DPP4: variants seen among roughly 807,000 people sequenced by gnomAD.
The protein encoded by DPP4 is dipeptidyl peptidase 4, also known as ADCP-2.
DPP4 carries 93 observed loss-of-function variants against 122.4 expected under a neutral mutation model. That is an observed-to-expected ratio of 0.76 (90% CI 0.64 to 0.90). The LOEUF (loss-of-function observed/expected upper bound fraction) is 0.90, where lower values mean the gene tolerates loss of function less well. Among genes scored for constraint, DPP4 ranks in the 40% least tolerant of loss-of-function variants. The pLI is 0.00. For synonymous variants in DPP4, 321 were observed against 302.9 expected, an observed-to-expected ratio of 1.06 and a Z score of -0.62; for missense variants, 914 against 907.3, an observed-to-expected ratio of 1.01 and a Z score of -0.09.
At chr2:162,007,405 T>A (rs1288088114) in intron 22 of DPP4, among the ~76,000 whole-genome samples, 1 of 152,038 alleles carries the variant, frequency 6.6e-6, no homozygotes, top group East Asian at 1.9e-4. Context: ...AAATAACATT[T>A]AAAAAATATT....
intron 5 of DPP4, 53 bp downstream of exon 5, chr2:162,045,479 A>G (rs1330392380): frequency 7.4e-7 from 1 of 1,356,434 alleles, no homozygotes; most frequent in Non-Finnish European, 1.1e-6. Flanking sequence ...CGGTTATAAC[A>G]TAGCATACTC....
chr2:162,037,914 A>G (rs559493645), intron 8 of DPP4, among the ~76,000 whole-genome samples: 55 of 152,156 alleles, frequency 3.6e-4, no homozygotes, highest in Non-Finnish European at 7.6e-4. Context: ...TTATTTTATC[A>G]TCTTCTCAAT....
chr2:162,009,372 C>T, intron 20 of DPP4, 77 bp from the exon 21 acceptor site: 1 of 1,321,698 alleles, frequency 7.6e-7, no homozygotes, highest in Non-Finnish European at 1.1e-6. Flanking sequence ...AAATGTGAAA[C>T]CCTGCCATTT....
At chr2:162,005,542 A>C (rs1701262117) in intron 23 of DPP4, 2 of 510,536 alleles carry the variant, frequency 3.9e-6, no homozygotes, top group African/African-American at 3.8e-5. Flanking sequence ...ATTGTGACCT[A>C]TATAGCATAC....
chr2:162,042,085 G>C (rs867330242), intron 5 of DPP4, among the ~76,000 whole-genome samples: 1 of 152,152 alleles, frequency 6.6e-6, no homozygotes, highest in East Asian at 1.9e-4. Flanking sequence ...AAGAGAAGCC[G>C]AATGCAAAGA....
intron 15 of DPP4, 117 bp downstream of exon 15, chr2:162,019,104 AGT>A: frequency 1.0e-6 from 1 of 973,244 alleles, no homozygotes; most frequent in Non-Finnish European, 1.6e-6. Flanking sequence ...AGGAATAAAA[AGT>A]GCTCAATAGC....
At chr2:162,020,113 A>G in intron 14 of DPP4, 116 bp downstream of exon 14, 2 of 855,474 alleles carry the variant, frequency 2.3e-6, no homozygotes, top group Non-Finnish European at 3.7e-6. Context: ...AAAAGTATTG[A>G]ACACATTCCA....
At chr2:162,049,610 G>A (rs770952480) in intron 2 of DPP4, among the ~76,000 whole-genome samples, 18 of 151,872 alleles carry the variant, frequency 1.2e-4, no homozygotes, top group Non-Finnish European at 2.6e-4. Context: ...TAACAAACCT[G>A]TACATCCTGC....
chr2:162,019,090 A>G, intron 15 of DPP4, 133 bp downstream of exon 15: 1 of 945,204 alleles, frequency 1.1e-6, no homozygotes, highest in Non-Finnish European at 1.7e-6. Flanking sequence ...AGATTGATTT[A>G]TGAAGGAATA....
Position 162,020,588 on chromosome 2 carries a change from T to A in DPP4, c.1169A>T (p.Asp390Val). ...ATATGTAAGAATACTCACTTTTTTATCTATTTGGAAATAGCAAATGTGTCT... is the reference window on the plus strand; with the variant it reads ...ATATGTAAGAATACTCACTTTTTTAACTATTTGGAAATAGCAAATGTGTCT... ...GYRHICYFQIDKKDCTFITKG... is the reference protein window; with the variant it reads ...GYRHICYFQIVKKDCTFITKG... The change falls in exon 13 of 26, where the codon GAT (aspartate) becomes GTT (valine). Residue 390 changes from aspartate (D) to valine (V), a missense_variant. By Grantham distance (152) the Asp-to-Val change is radical. Transcript: ENST00000360534. 1 of 1,599,622 alleles carries A rather than the reference T, an allele frequency of 6.3e-7. No individual in the cohort carries two copies. Among genetic ancestry groups the A allele is most frequent in the South Asian group, 1.2e-5 (1 of 86,900 alleles).
intron 19 of DPP4, among the ~76,000 whole-genome samples, chr2:162,013,594 T>C (rs1389836269): frequency 1.3e-5 from 2 of 152,108 alleles, no homozygotes; most frequent in Non-Finnish European, 2.9e-5. Flanking sequence ...TTCCGTATAA[T>C]GGAACAACAG....
intron 7 of DPP4, 69 bp from the exon 8 acceptor site, chr2:162,038,491 A>G: frequency 6.8e-7 from 1 of 1,472,472 alleles, no homozygotes; most frequent in South Asian, 1.3e-5. Context: ...AATTGTAGAA[A>G]CACTTATCTA....
At chr2:161,996,243 A>C (rs1305212562) in intron 23 of DPP4, among the ~76,000 whole-genome samples, 1 of 152,182 alleles carries the variant, frequency 6.6e-6, no homozygotes, top group Non-Finnish European at 1.5e-5. Flanking sequence ...GATGAAGGTA[A>C]AAATGCCATA....
intron 21 of DPP4, 33 bp from the exon 22 acceptor site, chr2:162,008,694 TA>T: frequency 6.4e-7 from 1 of 1,567,008 alleles, no homozygotes; most frequent in Non-Finnish European, 8.8e-7. Flanking sequence ...TTTATGGAGG[TA>T]AAAGAATAAG....
Position 162,074,116 on chromosome 2 carries a change from G to A in DPP4, c.-135C>T. 6.9e-7 allele frequency: 1 copy of A among 1,456,672 alleles called. No homozygotes were observed. The highest frequency in any genetic ancestry group is 1.4e-5 in the South Asian group (1 of 69,514). The allele number at this position is 1,456,672 out of a possible 1,614,324, so 90.2% of individuals were successfully genotyped here. ...CGCCGCTGGCAAGTTTCGGCCCCGA[G>A]TTAAACATTAGTGAGCGCCGAGCCC... On this transcript the variant is annotated 5_prime_UTR_variant, in exon 1 of 26. Coordinates refer to ENST00000360534, the MANE Select transcript of DPP4 (RefSeq NM_001935.4).
intron 8 of DPP4, among the ~76,000 whole-genome samples, chr2:162,037,683 G>A (rs1475449431): frequency 6.6e-6 from 1 of 152,088 alleles, no homozygotes; most frequent in African/African-American, 2.4e-5. Flanking sequence ...TATTTTCTAA[G>A]TTTCTAAAAT....
At chr2:162,052,450 C>T (rs781718695) in intron 2 of DPP4, among the ~76,000 whole-genome samples, 6 of 152,038 alleles carry the variant, frequency 3.9e-5, no homozygotes, top group Non-Finnish European at 8.8e-5. Flanking sequence ...TGGGGTGGGG[C>T]CTCACCAGAC....
At chr2:162,016,051 A>C (rs1463092922) in intron 18 of DPP4, among the ~76,000 whole-genome samples, 2 of 152,220 alleles carry the variant, frequency 1.3e-5, no homozygotes, top group Non-Finnish European at 2.9e-5. Flanking sequence ...CGAGGATGCT[A>C]TACTTTCCTG....
Position 162,038,430 on chromosome 2 carries a change from G to GA in DPP4, c.493-9dup, listed in dbSNP as rs763551586. The GA allele has an allele frequency of 1.1e-4, 181 of 1,585,686 alleles. No homozygotes were observed. Among genetic ancestry groups the GA allele is most frequent in the East Asian group, 9.5e-4 (42 of 44,286 alleles). On this transcript the variant is annotated splice_polypyrimidine_tract_variant and intron_variant, in intron 7 of 25. Transcript: ENST00000360534. ...ATTGTTCCAAACATATGCCTAGAAG[G>GA]AAAAAAAACAAGCATTGATATCTAT...
Sources: gnomAD v4.1 joint callset for allele counts (sites outside exome capture counted in the v4.1 genomes callset) on GRCh38, gnomAD v4.1.1 for gene constraint, MANE v1.5 for transcripts, NCBI Gene and HGNC (gene_info 2026-07-23, HGNC 2026-07-21) for gene names.